ATP10B: variants seen among roughly 807,000 people sequenced by gnomAD.
ATP10B encodes the protein ATPase phospholipid transporting 10B (putative).
ATP10B carries 122 observed loss-of-function variants against 141.2 expected under a neutral mutation model. That is an observed-to-expected ratio of 0.86 (90% CI 0.75 to 1.00). ATP10B has a LOEUF of 1.00. Ranked by LOEUF, ATP10B falls within the 50% of genes least tolerant of loss-of-function variation. The probability of loss-of-function intolerance (pLI) is 0.00; values close to 1 mark genes in which losing one functional copy is unlikely to be tolerated. For synonymous variants in ATP10B, 685 were observed against 692.0 expected, an observed-to-expected ratio of 0.99 and a Z score of 0.16; for missense variants, 1,876 against 1,825.3, an observed-to-expected ratio of 1.03 and a Z score of -0.51.
intron 16 of ATP10B, 83 bp from the exon 17 acceptor site, chr5:160,616,047 C>A: frequency 6.8e-7 from 1 of 1,474,322 alleles, no homozygotes. Flanking sequence ...GCTGGGTCTC[C>A]TATTGGCCTG....
At chr5:160,620,196 A>C in intron 15 of ATP10B, 151 bp downstream of exon 15, 1 of 1,003,194 alleles carries the variant, frequency 1.0e-6, no homozygotes, top group Non-Finnish European at 1.4e-6. Context: ...TGTTTTAAGG[A>C]TATTTGAGGA....
At chr5:160,655,373 T>C (rs1396944982) in intron 7 of ATP10B, among the ~76,000 whole-genome samples, 7 of 152,104 alleles carry the variant, frequency 4.6e-5, no homozygotes, top group Admixed American at 4.6e-4. Context: ...ATTGCTCCTT[T>C]TCATGTGCTG....
chr5:160,709,536 G>A (rs1334121261), intron 3 of ATP10B, among the ~76,000 whole-genome samples: 2 of 151,276 alleles, frequency 1.3e-5, no homozygotes, highest in African/African-American at 2.4e-5. Context: ...AAAATGAGAA[G>A]TCTAATTAAA....
At chr5:160,811,551 G>A (rs149822413) in intron 1 of ATP10B, among the ~76,000 whole-genome samples, 155 of 152,270 alleles carry the variant, frequency 1.0e-3, no homozygotes, top group Non-Finnish European at 1.7e-3. Flanking sequence ...AATACTTCCC[G>A]TGGATCAGTA....
In ATP10B at chr5:160,827,557, G is replaced by A. The variant is rs150161881; in HGVS notation, c.-576+24384C>T. On this transcript the variant is annotated intron_variant, in intron 1 of 25. Coordinates refer to ENST00000327245, the MANE Select transcript of ATP10B (RefSeq NM_025153.3). ...TCTGGATATTAGACCTTTGTCAGAT[G>A]CACAGTTTACAAATATTTTATCCCA... Among the ~76,000 whole-genome samples the A allele has an allele frequency of 7.2e-5, 11 of 152,236 alleles. No homozygotes were observed. In the East Asian group the frequency reaches 2.1e-3, roughly 29 times the overall value.
chr5:160,923,901 T>C, the ATP10B span, among the ~76,000 whole-genome samples: 1 of 152,130 alleles, frequency 6.6e-6, no homozygotes, highest in Non-Finnish European at 1.5e-5. Context: ...ATTGGAAAAA[T>C]GCAACAGGAT....
chr5:160,777,015 G>C (rs1770381230), intron 2 of ATP10B, among the ~76,000 whole-genome samples: 1 of 152,306 alleles, frequency 6.6e-6, no homozygotes, highest in African/African-American at 2.4e-5. Context: ...CGTAAAGGCA[G>C]GTGCCTGAGC....
chr5:160,654,936 A>T (rs1761378587), intron 7 of ATP10B, among the ~76,000 whole-genome samples: 1 of 152,170 alleles, frequency 6.6e-6, no homozygotes, highest in Non-Finnish European at 1.5e-5. Context: ...CCAGACAGCA[A>T]AGCCGGACAA....
rs142164465 is a variant in ATP10B, at chr5:160,848,199, C to T, written c.-576+3742G>A. Among the ~76,000 whole-genome samples, 1,080 of 152,164 alleles carry T rather than the reference C, an allele frequency of 7.1e-3. 15 individuals carry two copies. Among genetic ancestry groups the T allele is most frequent in the African/African-American group, 0.022 (909 of 41,530 alleles). On this transcript the variant is annotated intron_variant, in intron 1 of 25. Coordinates refer to ENST00000327245, the MANE Select transcript of ATP10B (RefSeq NM_025153.3). ...ACATTACAAATGAAGAATCTGAAGC[C>T]CCAACAGAAATGCTATTGAGAAGGC...
chr5:160,695,012 A>G (rs952869209), intron 3 of ATP10B, among the ~76,000 whole-genome samples: 3 of 152,238 alleles, frequency 2.0e-5, no homozygotes, highest in African/African-American at 7.2e-5. Context: ...CTTTATAGAA[A>G]GGGCTGAAGA....
chr5:160,783,437 TATCC>T (rs2127887953), intron 2 of ATP10B, among the ~76,000 whole-genome samples: 1 of 113,192 alleles, frequency 8.8e-6, no homozygotes, highest in African/African-American at 3.3e-5. Flanking sequence ...TGGATAGATA[TATCC>T]ATCACATATA....
At chr5:160,824,006 G>C (rs1774381989) in intron 1 of ATP10B, among the ~76,000 whole-genome samples, 1 of 152,016 alleles carries the variant, frequency 6.6e-6, no homozygotes, top group African/African-American at 2.4e-5. Flanking sequence ...TCCAGTATTA[G>C]ACATAACCAT....
intron 24 of ATP10B, among the ~76,000 whole-genome samples, chr5:160,570,810 G>A (rs538013078): frequency 6.6e-6 from 1 of 152,260 alleles, no homozygotes; most frequent in Admixed American, 6.5e-5. Flanking sequence ...GCTCTCTGAT[G>A]CTTTATTTCA....
intron 2 of ATP10B, among the ~76,000 whole-genome samples, chr5:160,762,126 C>T (rs192148818): frequency 6.2e-4 from 94 of 152,226 alleles, no homozygotes; most frequent in East Asian, 5.4e-3. Flanking sequence ...GAAATCTAAA[C>T]GTTTGAAAAA....
intron 16 of ATP10B, 72 bp from the exon 17 acceptor site, chr5:160,616,036 T>G: frequency 1.3e-6 from 2 of 1,533,178 alleles, no homozygotes; most frequent in Non-Finnish European, 1.8e-6. Flanking sequence ...TCTTCCCACC[T>G]GCTGGGTCTC....
chr5:160,654,738 C>T (rs1761364686), intron 7 of ATP10B, among the ~76,000 whole-genome samples: 1 of 152,178 alleles, frequency 6.6e-6, no homozygotes, highest in South Asian at 2.1e-4. Context: ...TATTCCTCCT[C>T]TCCTGTTATT....
intron 2 of ATP10B, among the ~76,000 whole-genome samples, chr5:160,775,459 G>A (rs916294908): frequency 3.7e-4 from 56 of 152,052 alleles, no homozygotes; most frequent in African/African-American, 1.3e-3. Flanking sequence ...AGGAGCATAG[G>A]GCACAGAAAA....
intron 2 of ATP10B, among the ~76,000 whole-genome samples, chr5:160,774,014 C>T (rs1046913457): frequency 1.3e-5 from 2 of 152,156 alleles, no homozygotes; most frequent in Non-Finnish European, 2.9e-5. Flanking sequence ...ATTTTCTTCT[C>T]CTCTGTTTAT....
At chr5:160,728,486 A>G (rs1766517641) in intron 2 of ATP10B, among the ~76,000 whole-genome samples, 1 of 152,212 alleles carries the variant, frequency 6.6e-6, no homozygotes, top group Admixed American at 6.5e-5. Flanking sequence ...ATGTTGTCTC[A>G]CACTGATGCC....
Sources: gnomAD v4.1 joint callset for allele counts (sites outside exome capture counted in the v4.1 genomes callset) on GRCh38, gnomAD v4.1.1 for gene constraint, MANE v1.5 for transcripts, NCBI Gene and HGNC (gene_info 2026-07-23, HGNC 2026-07-21) for gene names.